Variants in MDC1 observed in about 807,000 individuals in gnomAD.
MDC1 encodes mediator of DNA damage checkpoint protein 1.
Under a neutral mutation model 142.5 loss-of-function variants are expected in MDC1, and 81 were observed. The observed-to-expected ratio is 0.57, with a 90% CI of 0.47 to 0.68. The LOEUF (loss-of-function observed/expected upper bound fraction) is 0.68, where lower values mean the gene tolerates loss of function less well. MDC1 is among the 30% of genes least tolerant of loss of function. MDC1 has a pLI of 0.00. For missense variants in MDC1, 2,119 were observed against 2,547.9 expected (o/e 0.83, Z 3.62); for synonymous variants, 797 against 968.4 (o/e 0.82, Z 3.29).
chr6:30,702,945 T>TAG, intron 12 of MDC1, 68 bp from the exon 13 acceptor site: 13 of 1,605,942 alleles, frequency 8.1e-6, no homozygotes, highest in Non-Finnish European at 1.0e-5. Flanking sequence ...GCCTAGCATT[T>TAG]AGAGAGAGCT....
intron 9 of MDC1, among the ~76,000 whole-genome samples, chr6:30,706,621 A>C (rs9295906): frequency 0.096 from 554 of 5,768 alleles, 1 homozygote; most frequent in Admixed American, 0.14. Flanking sequence ...GACTCTGTCT[A>C]AAAAAAAAAA....
At position 30,700,268 on chromosome 6, in the gene MDC1, AAAAC is replaced by A. The variant is rs139775092; in HGVS notation, c.*193_*196del. 10,456 of 472,266 alleles carry A rather than the reference AAAAC, an allele frequency of 0.022. 206 individuals carry two copies. The highest frequency in any genetic ancestry group is 0.076 in the African/African-American group (3,826 of 50,664). The allele number at this position is 472,266 out of a possible 1,614,324, so 29.3% of individuals were successfully genotyped here. On this transcript the variant is annotated 3_prime_UTR_variant, in exon 15 of 15. Transcript: ENST00000376406. ...CAAATAAAATAAAATGGCCATTAAA[AAAAC>A]AAACAAACAAACAAAAAACAACCTG... is the stretch of plus-strand genomic sequence containing the variant.
At position 30,707,984 on chromosome 6, in the gene MDC1, TAAC is replaced by T; in HGVS notation, c.2592_2594del (p.Leu865del). 6.2e-7 allele frequency: 1 copy of T among 1,613,122 alleles called. No homozygotes were observed. Among genetic ancestry groups the T allele is most frequent in the South Asian group, 1.1e-5 (1 of 91,090 alleles). On this transcript the variant is annotated inframe_deletion, in exon 8 of 15. Coordinates refer to ENST00000376406, the MANE Select transcript of MDC1 (RefSeq NM_014641.3). ...ATTCTTGTCTCTGGGTGTCTCTAGC[TAAC>T]AACTGTTTTTGTTCTCTGTCCTGTT...
intron 14 of MDC1, among the ~76,000 whole-genome samples, chr6:30,702,316 AT>A (rs1161218752): frequency 1.3e-5 from 2 of 151,894 alleles, no homozygotes; most frequent in African/African-American, 4.8e-5. Flanking sequence ...GATGGAGCAA[AT>A]GTAGCATAAT....
chr6:30,713,235 G>C lies in MDC1; in HGVS notation c.707C>G (p.Ala236Gly), dbSNP rs1456938190. The C allele has an allele frequency of 1.2e-6, 2 of 1,613,130 alleles. No homozygotes were observed. The highest frequency in any genetic ancestry group is 2.2e-5 in the South Asian group (2 of 91,088). Residue 236 changes from alanine (A) to glycine (G), a missense_variant, in exon 5 of 15, where the codon GCT becomes GGT. Ala to Gly is a moderately conservative substitution (Grantham distance 60, BLOSUM62 0). Transcript: ENST00000376406. This position sits in a 1 kb window ranked among gnomAD's most constrained non-coding sequence, Gnocchi z 4.9. Reference sequence around the variant, plus strand: ...CTCTACAGTGGCACCTCTTCTGGCAGCTGAGGAGGCCTCCTCTGTGGCTGG... The same window carrying C: ...CTCTACAGTGGCACCTCTTCTGGCACCTGAGGAGGCCTCCTCTGTGGCTGG... The part of the protein sequence containing the change: ...QQPATEEASS[A>G]ARRGATVEAK...
chr6:30,713,816 C>G lies in MDC1; in HGVS notation c.504G>C (p.Ser168=), dbSNP rs775455109. ...QPQRLLLAED[S]EEEVDFLSER... ...ATACAAACTTACCTACTTCCTCCTC[C>G]GAGTCCTCAGCCAACAGAAGCCTCT... Residue 168 remains serine (S), a synonymous_variant, in exon 3 of 15, where the codon TCG becomes TCC. Coordinates refer to ENST00000376406, the MANE Select transcript of MDC1 (RefSeq NM_014641.3). The surrounding 1 kb of genome is among the most constrained non-coding windows in gnomAD (Gnocchi z 4.9). 1 of 1,613,974 alleles carries G rather than the reference C, an allele frequency of 6.2e-7. No individual in the cohort carries two copies. The highest frequency in any genetic ancestry group is 1.7e-5 in the Admixed American group (1 of 59,988).
In MDC1 at chr6:30,715,123, T is replaced by C; in HGVS notation, c.53A>G (p.Glu18Gly). The C allele has an allele frequency of 6.2e-7, 1 of 1,614,200 alleles. No individual in the cohort carries two copies. Among genetic ancestry groups the C allele is most frequent in the Non-Finnish European group, 8.5e-7 (1 of 1,180,012 alleles). ...ACACCTCAAGGATTCACTGGATTGC[T>C]CTGTCTCCTCCTCTTCTTCAACATC... ...DWDVEEEEET[E>G]QSSESLRCNV... Residue 18 changes from glutamate to glycine, a missense_variant, in exon 2 of 15, where the codon GAG (glutamate) becomes GGG (glycine). Glu to Gly is a moderately conservative substitution (Grantham distance 98). Transcript: ENST00000376406. The surrounding 1 kb of genome is among the most constrained non-coding windows in gnomAD (Gnocchi z 4.1).
At position 30,716,972 on chromosome 6, in the gene MDC1, G is replaced by C; in HGVS notation, c.-4+273C>G. Reference sequence around the variant, plus strand: ...AAGTGTCAACTCCGTCTTTATGACAGGCCAACTCAGCGGGTGCCCACCACG... The same window carrying C: ...AAGTGTCAACTCCGTCTTTATGACACGCCAACTCAGCGGGTGCCCACCACG... On this transcript the variant is annotated intron_variant, in intron 1 of 14. Transcript: ENST00000376406. This position sits in a 1 kb window ranked among gnomAD's most constrained non-coding sequence, Gnocchi z 4.4. 1 of 957,338 alleles carries C rather than the reference G, an allele frequency of 1.0e-6. No individual in the cohort carries two copies. The highest frequency in any genetic ancestry group is 1.2e-6 in the Non-Finnish European group (1 of 804,364). The allele number at this position is 957,338 out of a possible 1,614,324, so 59.3% of individuals were successfully genotyped here.
In MDC1 at chr6:30,714,126, G is replaced by A; in HGVS notation, c.194C>T (p.Ala65Val). ...VVGRMPDCSV[A>V]LPFPSISKQH... is the part of the protein sequence containing the mutation. ...TTTGGAGATAGATGGAAAGGGCAGG[G>A]CCACAGAGCAGTCAGGCATTCGGCC... The change falls in exon 3 of 15, where the codon GCC becomes GTC. Residue 65 changes from alanine (A) to valine (V), a missense_variant. By Grantham distance (64) the Ala-to-Val change is moderately conservative (BLOSUM62 0). Coordinates refer to ENST00000376406, the MANE Select transcript of MDC1 (RefSeq NM_014641.3). The A allele has an allele frequency of 1.9e-6, 3 of 1,612,232 alleles. No individual in the cohort carries two copies. Among genetic ancestry groups the A allele is most frequent in the Non-Finnish European group, 2.5e-6 (3 of 1,180,002 alleles).
Position 30,704,448 on chromosome 6 carries a change from G to A in MDC1, c.4735C>T (p.Gln1579Ter). Residue 1579 changes from glutamine (Q) to a stop codon, truncating the protein, a stop_gained, in exon 10 of 15, where the codon CAG becomes TAG. Transcript: ENST00000376406. LOFTEE classifies it high-confidence loss of function. ...ESIVPIAPELQPSTSRNQLVT... is the reference protein window; with the variant it reads ...ESIVPIAPEL Reference sequence around the variant, plus strand: ...AGCTGGTTTCTGGAGGTGGAAGGCTGAAGCTCAGGGGCTATAGGGACAATT... The same window carrying A: ...AGCTGGTTTCTGGAGGTGGAAGGCTAAAGCTCAGGGGCTATAGGGACAATT... 1 of 1,612,328 alleles carries A rather than the reference G, an allele frequency of 6.2e-7. No homozygotes were observed. The highest frequency in any genetic ancestry group is 8.5e-7 in the Non-Finnish European group (1 of 1,179,458).
Position 30,703,851 on chromosome 6 carries a change from G to A in MDC1, c.5332C>T (p.Leu1778Phe). 1.2e-6 allele frequency: 2 copies of A among 1,613,684 alleles called. No individual in the cohort carries two copies. The highest frequency in any genetic ancestry group is 2.7e-5 in the African/African-American group (2 of 75,008). Residue 1778 changes from leucine to phenylalanine, a missense_variant, in exon 10 of 15, where the codon CTT (leucine) becomes TTT (phenylalanine). Leu to Phe is a conservative substitution (Grantham distance 22). Coordinates refer to ENST00000376406, the MANE Select transcript of MDC1 (RefSeq NM_014641.3). The surrounding 1 kb of genome is among the most constrained non-coding windows in gnomAD (Gnocchi z 4.4). Reference protein sequence around the residue: ...TAIPEPASPQLLETPIHASQI... With the variant: ...TAIPEPASPQFLETPIHASQI... ...GAGGCATGAATTGGTGTCTCAAGAA[G>A]CTGGGGAGAGGCAGGCTCAGGAATG... is the stretch of plus-strand genomic sequence containing the variant.
chr6:30,712,433 C>A lies in MDC1; in HGVS notation c.1509G>T (p.Lys503Asn), dbSNP rs1377210831. Reference protein sequence around the residue: ...GDSDDSVEADKSSPGIHLERS... With the variant: ...GDSDDSVEADNSSPGIHLERS... ...TCTCCAGGTGGATCCCAGGTGAGCTCTTATCTGCTTCCACACTGTCATCAC... is the reference window on the plus strand; with the variant it reads ...TCTCCAGGTGGATCCCAGGTGAGCTATTATCTGCTTCCACACTGTCATCAC... Residue 503 changes from lysine (K) to asparagine (N), a missense_variant, in exon 5 of 15, where the codon AAG (lysine) becomes AAT (asparagine). Physicochemically the swap from Lys to Asn is moderately conservative, Grantham distance 94 (BLOSUM62 0). Transcript: ENST00000376406. The surrounding 1 kb of genome is among the most constrained non-coding windows in gnomAD (Gnocchi z 4.7). 1.9e-6 allele frequency: 3 copies of A among 1,612,902 alleles called. No individual in the cohort carries two copies. The South Asian group carries it at 3.3e-5, about 18-fold the overall frequency.
Position 30,703,471 on chromosome 6 carries a change from G to T in MDC1, c.5629C>A (p.Pro1877Thr). The T allele has an allele frequency of 1.9e-6, 3 of 1,613,942 alleles. No homozygotes were observed. The highest frequency in any genetic ancestry group is 2.5e-6 in the Non-Finnish European group (3 of 1,180,040). ...DQAEEEPNRI[P>T]SRSLRRTKLN... ...TTGGTCCGTCGGAGGCTGCGGCTTG[G>T]TATTCTGTTGGGCTCCTCCTCTGCC... The change falls in exon 11 of 15, where the codon CCA becomes ACA. Residue 1877 changes from proline (P) to threonine (T), a missense_variant. Pro to Thr is a conservative substitution (Grantham distance 38). Coordinates refer to ENST00000376406, the MANE Select transcript of MDC1 (RefSeq NM_014641.3). The surrounding 1 kb of genome is among the most constrained non-coding windows in gnomAD (Gnocchi z 4.4).
chr6:30,708,236 T>G lies in MDC1; in HGVS notation c.2343A>C (p.Pro781=). Residue 781 remains proline, a synonymous_variant, in exon 8 of 15, where the codon CCA becomes CCC. Coordinates refer to ENST00000376406, the MANE Select transcript of MDC1 (RefSeq NM_014641.3). ...GTTGGTCTCCTGGTATTGCCCTAGGTGGAGACAGGCAAGGTCCATAGGCCT... is the reference window on the plus strand; with the variant it reads ...GTTGGTCTCCTGGTATTGCCCTAGGGGGAGACAGGCAAGGTCCATAGGCCT... The part of the protein sequence containing the change: ...HLEAYGPCLS[P]PRAIPGDQHP... 6.2e-7 allele frequency: 1 copy of G among 1,613,054 alleles called. No homozygotes were observed. Among genetic ancestry groups the G allele is most frequent in the East Asian group, 2.2e-5 (1 of 44,874 alleles).
Position 30,704,595 on chromosome 6 carries a change from C to A in MDC1, c.4588G>T (p.Val1530Phe). ...NRSSVKTPET[V>F]VPAAPELQPS... is the part of the protein sequence containing the mutation. ...TGGAGCTCAGGGGCTGCGGGCACAA[C>A]TGTTTCAGGGGTCTTGACAGAGGAC... The change falls in exon 10 of 15, where the codon GTT becomes TTT. Residue 1530 changes from valine to phenylalanine, a missense_variant. By Grantham distance (50) the Val-to-Phe change is conservative. Transcript: ENST00000376406. The A allele has an allele frequency of 6.3e-7, 1 of 1,598,974 alleles. No homozygotes were observed. The highest frequency in any genetic ancestry group is 8.5e-7 in the Non-Finnish European group (1 of 1,173,974).
At position 30,707,742 on chromosome 6, in the gene MDC1, G is replaced by A. The variant is rs377609540; in HGVS notation, c.2837C>T (p.Thr946Ile). The change falls in exon 8 of 15, where the codon ACA becomes ATA. Residue 946 changes from threonine (T) to isoleucine (I), a missense_variant. Coordinates refer to ENST00000376406, the MANE Select transcript of MDC1 (RefSeq NM_014641.3). ...CCCTCCCTCTGGCTCCCCTCTCTGTGTATCTCTCTCCAGGATCACTTTGGG... is the reference window on the plus strand; with the variant it reads ...CCCTCCCTCTGGCTCCCCTCTCTGTATATCTCTCTCCAGGATCACTTTGGG... Reference protein sequence around the residue: ...KVPKVILERDTQRGEPEGGSQ... With the variant: ...KVPKVILERDIQRGEPEGGSQ... 2.7e-4 allele frequency: 431 copies of A among 1,613,034 alleles called. No individual in the cohort carries two copies. Among genetic ancestry groups the A allele is most frequent in the Non-Finnish European group, 2.9e-4 (347 of 1,180,036 alleles).
In MDC1 at chr6:30,703,293, A is replaced by G; in HGVS notation, c.5683-7T>C. ...CCACTCCTGTGAAGAGCACCTGTGG[A>G]AGGGTTGACCTGAGGTGGTTACGGC... On this transcript the variant is annotated splice_region_variant and splice_polypyrimidine_tract_variant and intron_variant, in intron 11 of 14. Coordinates refer to ENST00000376406, the MANE Select transcript of MDC1 (RefSeq NM_014641.3). This position sits in a 1 kb window ranked among gnomAD's most constrained non-coding sequence, Gnocchi z 4.4. 1 of 1,610,586 alleles carries G rather than the reference A, an allele frequency of 6.2e-7. No individual in the cohort carries two copies. Among genetic ancestry groups the G allele is most frequent in the Non-Finnish European group, 8.5e-7 (1 of 1,178,050 alleles).
At position 30,708,281 on chromosome 6, in the gene MDC1, C is replaced by G; in HGVS notation, c.2298G>C (p.Gln766His). 6.2e-7 allele frequency: 1 copy of G among 1,612,926 alleles called. No individual in the cohort carries two copies. The highest frequency in any genetic ancestry group is 8.5e-7 in the Non-Finnish European group (1 of 1,180,026). ...AGGCCTCAAGGTGCGTGTCAAAAGG[C>G]TGGGTCTCAGAGTCCTCAGACTCTC... ...CLRESEDSET[Q>H]PFDTHLEAYG... Residue 766 changes from glutamine to histidine, a missense_variant, in exon 8 of 15, where the codon CAG (glutamine) becomes CAC (histidine). Coordinates refer to ENST00000376406, the MANE Select transcript of MDC1 (RefSeq NM_014641.3).
Position 30,702,732 on chromosome 6 carries a change from G to A in MDC1, c.5991+20C>T, listed in dbSNP as rs1273300588. The A allele has an allele frequency of 3.1e-6, 5 of 1,613,088 alleles. No individual in the cohort carries two copies. The highest frequency in any genetic ancestry group is 4.2e-6 in the Non-Finnish European group (5 of 1,180,018). ...CACTGGAGGGAGGGCTGAAGCACAG[G>A]TTAAAAGATAGCCTCTCACCTCTAG... On this transcript the variant is annotated intron_variant, in intron 13 of 14. Transcript: ENST00000376406.
Sources: gnomAD v4.1 joint callset for allele counts (sites outside exome capture counted in the v4.1 genomes callset) on GRCh38, gnomAD v4.1.1 for gene constraint, Gnocchi (gnomAD v3.1) non-coding constraint, MANE v1.5 for transcripts, NCBI Gene and HGNC (gene_info 2026-07-23, HGNC 2026-07-21) for gene names.